The following PTTG1IP2 variants were observed in gnomAD, a reference collection of about 807,000 sequenced individuals.
PTTG1IP2 encodes the protein PTTG1IP family member 2.
At chr7:90,488,136 G>A (rs1414767883) in intron 3 of PTTG1IP2, among the ~76,000 whole-genome samples, 5 of 151,984 alleles carry the variant, frequency 3.3e-5, no homozygotes, top group African/African-American at 1.2e-4. Flanking sequence ...TGCTTTCTAG[G>A]TAAATCCTAG....
At chr7:90,476,938 ATT>A (rs904626009) in intron 1 of PTTG1IP2, among the ~76,000 whole-genome samples, 4 of 152,038 alleles carry the variant, frequency 2.6e-5, no homozygotes, top group African/African-American at 9.7e-5. Flanking sequence ...CAATAAAAAA[ATT>A]TTGTTTTGAT....
At chr7:90,477,801 G>A (rs1005416369) in intron 1 of PTTG1IP2, among the ~76,000 whole-genome samples, 5 of 152,016 alleles carry the variant, frequency 3.3e-5, no homozygotes, top group Admixed American at 6.6e-5. Context: ...GGTAGTGTAA[G>A]GTATTAACAA....
At chr7:90,497,677 A>C (rs1798010610) in intron 6 of PTTG1IP2, among the ~76,000 whole-genome samples, 1 of 133,906 alleles carries the variant, frequency 7.5e-6, no homozygotes, top group Non-Finnish European at 1.6e-5. Context: ...TGATCATACC[A>C]CTGTACTCCA....
intron 6 of PTTG1IP2, among the ~76,000 whole-genome samples, chr7:90,496,475 T>C (rs1235620287): frequency 3.3e-5 from 5 of 152,204 alleles, no homozygotes; most frequent in African/African-American, 9.6e-5. Context: ...TTCTGTGGTA[T>C]CAGTTGTAAT....
intron 6 of PTTG1IP2, among the ~76,000 whole-genome samples, chr7:90,511,402 A>G (rs1324778628): frequency 6.6e-6 from 1 of 152,198 alleles, no homozygotes; most frequent in Non-Finnish European, 1.5e-5. Context: ...CCTTAGTGAT[A>G]TAGGAAAGGA....
At chr7:90,485,526 C>G (rs1797864063) in intron 2 of PTTG1IP2, among the ~76,000 whole-genome samples, 1 of 152,148 alleles carries the variant, frequency 6.6e-6, no homozygotes, top group South Asian at 2.1e-4. Flanking sequence ...AGTAAACACT[C>G]CTATTTAGAA....
intron 6 of PTTG1IP2, among the ~76,000 whole-genome samples, chr7:90,497,939 C>A (rs1798015439): frequency 6.6e-6 from 1 of 151,934 alleles, no homozygotes; most frequent in African/African-American, 2.4e-5. Flanking sequence ...GCATTATTGC[C>A]TGTCTCTTCC....
At chr7:90,481,897 G>T (rs984511548) in intron 2 of PTTG1IP2, among the ~76,000 whole-genome samples, 2 of 152,004 alleles carry the variant, frequency 1.3e-5, no homozygotes, top group South Asian at 4.1e-4. Flanking sequence ...TCAAAGAAGG[G>T]TAAATTAATT....
At chr7:90,494,711 A>G (rs749914644) in intron 6 of PTTG1IP2, among the ~76,000 whole-genome samples, 4 of 152,188 alleles carry the variant, frequency 2.6e-5, no homozygotes, top group Non-Finnish European at 5.9e-5. Context: ...GCGAGATTCC[A>G]TGTCTACAAA....
intron 6 of PTTG1IP2, among the ~76,000 whole-genome samples, chr7:90,507,543 A>G (rs1044408712): frequency 3.9e-5 from 6 of 152,200 alleles, no homozygotes; most frequent in Non-Finnish European, 7.4e-5. Flanking sequence ...TAATCACTAA[A>G]TGGTGATTCT....
At chr7:90,506,317 G>T (rs1798124793) in intron 6 of PTTG1IP2, among the ~76,000 whole-genome samples, 1 of 151,886 alleles carries the variant, frequency 6.6e-6, no homozygotes, top group Admixed American at 6.6e-5. Context: ...TGACATTCAA[G>T]TCATGTAATT....
At chr7:90,502,540 A>G (rs1016556374) in intron 6 of PTTG1IP2, among the ~76,000 whole-genome samples, 8 of 152,242 alleles carry the variant, frequency 5.3e-5, no homozygotes, top group Admixed American at 4.6e-4. Flanking sequence ...TATTTCTTAA[A>G]TAAGACTTGA....
chr7:90,500,071 G>A (rs180721007), intron 6 of PTTG1IP2, among the ~76,000 whole-genome samples: 4 of 152,066 alleles, frequency 2.6e-5, no homozygotes, highest in East Asian at 2.0e-4. Flanking sequence ...AAAATTAGCC[G>A]GACTTGGTGG....
intron 6 of PTTG1IP2, among the ~76,000 whole-genome samples, chr7:90,502,061 T>C (rs1355730436): frequency 6.6e-6 from 1 of 152,228 alleles, no homozygotes; most frequent in Non-Finnish European, 1.5e-5. Context: ...AGAAACTACT[T>C]TCTTTGCTCA....
chr7:90,507,286 A>G (rs1798135380), intron 6 of PTTG1IP2, among the ~76,000 whole-genome samples: 1 of 152,202 alleles, frequency 6.6e-6, no homozygotes, highest in African/African-American at 2.4e-5. Flanking sequence ...AGTAAGGGCA[A>G]TGCATTTTTC....
chr7:90,504,059 G>C (rs1433609524), intron 6 of PTTG1IP2, among the ~76,000 whole-genome samples: 1 of 152,192 alleles, frequency 6.6e-6, no homozygotes, highest in Non-Finnish European at 1.5e-5. Context: ...GCTCAAACCT[G>C]TAATCCCAGC....
At chr7:90,489,814 C>T (rs901864882) in intron 4 of PTTG1IP2, among the ~76,000 whole-genome samples, 19 of 151,894 alleles carry the variant, frequency 1.3e-4, no homozygotes, top group Non-Finnish European at 1.9e-4. Flanking sequence ...GTGCCAAGAT[C>T]AAATAGATTC....
intron 1 of PTTG1IP2, among the ~76,000 whole-genome samples, chr7:90,472,279 AACACACACAC>A (rs144907444): frequency 0.049 from 6,786 of 138,010 alleles, 351 homozygotes; most frequent in East Asian, 0.14. Context: ...ATAGCATGCA[AACACACACAC>A]ACACACACAC....
chr7:90,477,109 G>T (rs943644290), intron 1 of PTTG1IP2, among the ~76,000 whole-genome samples: 1 of 152,102 alleles, frequency 6.6e-6, no homozygotes, highest in Non-Finnish European at 1.5e-5. Flanking sequence ...AAAGACCAGC[G>T]ATGTTCTAAG....
Sources: allele counts gnomAD v4.1 joint callset (sites outside exome capture counted in the v4.1 genomes callset), GRCh38; gene constraint gnomAD v4.1.1; transcripts MANE v1.5; gene names NCBI Gene and HGNC (gene_info 2026-07-23, HGNC 2026-07-21).